The following NRG3 variants were observed in gnomAD, a reference collection of about 807,000 sequenced individuals.
The protein encoded by NRG3 is neuregulin 3, also known as pro-neuregulin-3, membrane-bound isoform.
In NRG3, 31 loss-of-function variants were observed where a neutral mutation model predicts 66.9. That is an observed-to-expected ratio of 0.46 (90% CI 0.35 to 0.63). The LOEUF (loss-of-function observed/expected upper bound fraction) is 0.63, where lower values mean the gene tolerates loss of function less well. Ranked by LOEUF, NRG3 falls within the 20% of genes least tolerant of loss-of-function variation. The pLI is 0.00. For missense variants in NRG3, 910 were observed against 878.9 expected, an observed-to-expected ratio of 1.04 and a Z score of -0.45; for synonymous variants, 393 against 359.4, an observed-to-expected ratio of 1.09 and a Z score of -1.06.
At chr10:82,588,806 C>A (rs2046824759) in intron 2 of NRG3, among the ~76,000 whole-genome samples, 1 of 152,084 alleles carries the variant, frequency 6.6e-6, no homozygotes, top group South Asian at 2.1e-4. Flanking sequence ...CAGCCTAAAC[C>A]CCTTTTCTTT....
chr10:81,938,269 A>G (rs925016351), intron 1 of NRG3, among the ~76,000 whole-genome samples: 2 of 152,094 alleles, frequency 1.3e-5, no homozygotes, highest in African/African-American at 2.4e-5. Flanking sequence ...GCAAAATGCC[A>G]TTTGGATTTT....
rs1213313512 is a variant in NRG3 at position 82,871,106 on chromosome 10, A to G, written c.1054+5669A>G. 2.0e-5 allele frequency among the ~76,000 whole-genome samples: 3 copies of G among 152,248 alleles called. No individual in the cohort carries two copies. The East Asian group carries it at 5.8e-4, about 29-fold the overall frequency. ...TGAGTTAATTTTTGTGAAGAGTGTA[A>G]GGTCTGTGTCTAGGTGCATGTTTTA... is the stretch of plus-strand genomic sequence containing the variant. On this transcript the variant is annotated intron_variant, in intron 4 of 8. Coordinates refer to ENST00000372141, the MANE Select transcript of NRG3 (RefSeq NM_001010848.4).
rs184622794 is a variant in NRG3, at chr10:82,384,956, T to C, written c.953+26088T>C. ...CCAACATCTGTTGTTTTTTGCCTTC[T>C]TAATAAAACCATTCTCCAGCATCTG... On this transcript the variant is annotated intron_variant, in intron 2 of 8. Transcript: ENST00000372141. Among the ~76,000 whole-genome samples the C allele has an allele frequency of 3.0e-3, 454 of 152,362 alleles. 2 individuals are homozygous for C. The highest frequency in any genetic ancestry group is 4.9e-3 in the Non-Finnish European group (335 of 68,034).
chr10:82,654,586 T>A (rs547628553), intron 2 of NRG3, among the ~76,000 whole-genome samples: 2 of 152,374 alleles, frequency 1.3e-5, no homozygotes, highest in South Asian at 2.1e-4. Context: ...AATAAGTGAA[T>A]GAACATTGTT....
At chr10:82,700,637 C>CA (rs2055795871) in intron 2 of NRG3, among the ~76,000 whole-genome samples, 1 of 151,976 alleles carries the variant, frequency 6.6e-6, no homozygotes, top group Non-Finnish European at 1.5e-5. Flanking sequence ...AGAATCATTT[C>CA]TTTTTTTTAA....
intron 2 of NRG3, among the ~76,000 whole-genome samples, chr10:82,394,182 G>A (rs2086571305): frequency 6.6e-6 from 1 of 152,158 alleles, no homozygotes; most frequent in Non-Finnish European, 1.5e-5. Flanking sequence ...CCTTTGGGTT[G>A]AGCGTGAGGG....
chr10:82,575,159 A>G (rs2045958155), intron 2 of NRG3, among the ~76,000 whole-genome samples: 1 of 151,790 alleles, frequency 6.6e-6, no homozygotes, highest in Non-Finnish European at 1.5e-5. Flanking sequence ...CGTATTTTAC[A>G]ATATGTTGTA....
intron 1 of NRG3, among the ~76,000 whole-genome samples, chr10:82,304,260 C>A (rs1351814189): frequency 6.6e-6 from 1 of 152,130 alleles, no homozygotes; most frequent in African/African-American, 2.4e-5. Context: ...TGACTGGAAT[C>A]TTTTCATATG....
chr10:82,186,848 C>T (rs1248943851), intron 1 of NRG3, among the ~76,000 whole-genome samples: 1 of 152,146 alleles, frequency 6.6e-6, no homozygotes, highest in East Asian at 1.9e-4. Flanking sequence ...GGACTCTGGT[C>T]TGGTAAGACT....
chr10:82,241,261 C>G (rs768684890), intron 1 of NRG3, among the ~76,000 whole-genome samples: 10 of 152,038 alleles, frequency 6.6e-5, no homozygotes, highest in Admixed American at 1.3e-4. Flanking sequence ...GGAGCAGTAG[C>G]GTATAGGAGA....
At chr10:82,905,129 T>A (rs1844601847) in intron 4 of NRG3, among the ~76,000 whole-genome samples, 2 of 152,182 alleles carry the variant, frequency 1.3e-5, no homozygotes, top group Admixed American at 6.6e-5. Context: ...TCTGTCCAAT[T>A]TGGAAATATT....
At chr10:82,878,805 T>G (rs1211341618) in intron 4 of NRG3, among the ~76,000 whole-genome samples, 2 of 152,200 alleles carry the variant, frequency 1.3e-5, no homozygotes, top group East Asian at 1.9e-4. Context: ...TTCCCCTGCA[T>G]GAAACTTTTT....
intron 1 of NRG3, among the ~76,000 whole-genome samples, chr10:82,323,021 A>G (rs907661289): frequency 6.6e-6 from 1 of 152,224 alleles, no homozygotes; most frequent in African/African-American, 2.4e-5. Context: ...TAAGGAGAAG[A>G]AAAAGGAAAA....
At chr10:81,983,595 TA>T (rs2060415230) in intron 1 of NRG3, among the ~76,000 whole-genome samples, 1 of 152,222 alleles carries the variant, frequency 6.6e-6, no homozygotes, top group South Asian at 2.1e-4. Flanking sequence ...AATTACTACC[TA>T]CTGTGTTCTA....
intron 2 of NRG3, among the ~76,000 whole-genome samples, chr10:82,650,869 A>G (rs2051358062): frequency 6.6e-6 from 1 of 152,230 alleles, no homozygotes; most frequent in African/African-American, 2.4e-5. Context: ...GAGATCTGAC[A>G]GAGTTGGTCT....
intron 1 of NRG3, among the ~76,000 whole-genome samples, chr10:82,335,565 GC>G (rs2135327580): frequency 6.6e-6 from 1 of 152,096 alleles, no homozygotes; most frequent in African/African-American, 2.4e-5. Flanking sequence ...GATCACTTGA[GC>G]CCAGAAGTTT....
intron 2 of NRG3, among the ~76,000 whole-genome samples, chr10:82,501,966 A>G (rs1030800891): frequency 4.6e-5 from 7 of 152,090 alleles, no homozygotes; most frequent in African/African-American, 1.2e-4. Context: ...GGCACATAAC[A>G]TAGGAGCCGC....
intron 2 of NRG3, among the ~76,000 whole-genome samples, chr10:82,675,720 A>G (rs2053637023): frequency 6.6e-6 from 1 of 152,234 alleles, no homozygotes; most frequent in South Asian, 2.1e-4. Flanking sequence ...TAAGCAGCCA[A>G]GGAATAATTA....
chr10:82,044,327 G>T (rs139581836), intron 1 of NRG3, among the ~76,000 whole-genome samples: 6 of 151,932 alleles, frequency 3.9e-5, no homozygotes, highest in Non-Finnish European at 4.4e-5. Context: ...GCACCTAACC[G>T]TGGACAGGAT....
Sources: gnomAD v4.1 joint callset for allele counts (sites outside exome capture counted in the v4.1 genomes callset) on GRCh38, gnomAD v4.1.1 for gene constraint, MANE v1.5 for transcripts, NCBI Gene and HGNC (gene_info 2026-07-23, HGNC 2026-07-21) for gene names.